Variants in LANCL2 observed in about 807,000 individuals in gnomAD.
LANCL2 encodes the protein LanC like glutathione S-transferase 2, also known as lanC-like protein 2.
A neutral mutation model predicts 56.9 loss-of-function variants in LANCL2; 33 were observed. The observed-to-expected ratio is 0.58, with a 90% CI of 0.44 to 0.78. The LOEUF is 0.78. Among genes scored for constraint, LANCL2 ranks in the 30% least tolerant of loss-of-function variants. The pLI is 0.00. For missense variants in LANCL2, 562 were observed against 580.2 expected (o/e 0.97, Z 0.32); for synonymous variants, 233 against 228.2 (o/e 1.02, Z -0.19).
In LANCL2 at chr7:55,433,594, G is replaced by A. The variant is rs1790758020; in HGVS notation, c.*2274G>A. ...TTCTTAGATTTGTATTCACAATTGT[G>A]TTCTCTAAAATGTGTCTAAATTTTA... is the stretch of plus-strand genomic sequence containing the variant. On this transcript the variant is annotated 3_prime_UTR_variant, in exon 9 of 9. Transcript: ENST00000254770. 6.6e-6 allele frequency: 1 copy of A among 152,182 alleles called. No homozygotes were observed. The highest frequency in any genetic ancestry group is 6.5e-5 in the Admixed American group (1 of 15,272). The allele number at this position is 152,182 out of a possible 1,614,324, so 9.4% of individuals were successfully genotyped here.
At chr7:55,369,940 C>A (rs117870217) in intron 1 of LANCL2, among the ~76,000 whole-genome samples, 8 of 152,318 alleles carry the variant, frequency 5.3e-5, no homozygotes, top group Non-Finnish European at 8.8e-5. Context: ...AGCTCTGTTG[C>A]TGTGTAATAA....
intron 2 of LANCL2, among the ~76,000 whole-genome samples, chr7:55,396,772 A>G (rs1019000211): frequency 6.6e-6 from 1 of 152,098 alleles, no homozygotes; most frequent in African/African-American, 2.4e-5. Flanking sequence ...AGTATATATA[A>G]CTGTAAGTTT....
In LANCL2 at chr7:55,417,083, C is replaced by T. The variant is rs1314569832; in HGVS notation, c.1008+4994C>T. Among the ~76,000 whole-genome samples the T allele has an allele frequency of 3.3e-5, 5 of 150,044 alleles. No individual in the cohort carries two copies. The East Asian group carries it at 9.9e-4, about 30-fold the overall frequency. On this transcript the variant is annotated intron_variant, in intron 6 of 8. Coordinates refer to ENST00000254770, the MANE Select transcript of LANCL2 (RefSeq NM_018697.4). The stretch of plus-strand genomic sequence containing the variant: ...CAAGCTCCGCCTCCCAGGTTCACAC[C>T]ATTGTCCTGCTTCAGCCTCCCGAGT...
At chr7:55,422,474 A>G (rs901072190) in intron 6 of LANCL2, among the ~76,000 whole-genome samples, 1 of 152,190 alleles carries the variant, frequency 6.6e-6, no homozygotes, top group Non-Finnish European at 1.5e-5. Context: ...TAACTGTTAC[A>G]TGCCTAGATG....
chr7:55,372,319 G>A (rs977749250), intron 1 of LANCL2, among the ~76,000 whole-genome samples: 1 of 152,166 alleles, frequency 6.6e-6, no homozygotes, highest in Non-Finnish European at 1.5e-5. Flanking sequence ...AGTTTTAATA[G>A]TCTTGTGTTT....
At position 55,433,247 on chromosome 7, in the gene LANCL2, C is replaced by G. The variant is rs1245265031; in HGVS notation, c.*1927C>G. On this transcript the variant is annotated 3_prime_UTR_variant, in exon 9 of 9. Coordinates refer to ENST00000254770, the MANE Select transcript of LANCL2 (RefSeq NM_018697.4). The stretch of plus-strand genomic sequence containing the variant: ...GTGTCTCCCCAGGTGAGTCCATCCA[C>G]ACACGTTTGAAAAACACTATTAGTC... 4 of 152,260 alleles carry G rather than the reference C, an allele frequency of 2.6e-5. No individual in the cohort carries two copies. Among genetic ancestry groups the G allele is most frequent in the Non-Finnish European group, 5.9e-5 (4 of 68,042 alleles). The allele number at this position is 152,260 out of a possible 1,614,324, so 9.4% of individuals were successfully genotyped here.
intron 2 of LANCL2, 64 bp from the exon 3 acceptor site, chr7:55,398,359 A>T: frequency 8.4e-7 from 1 of 1,188,266 alleles, no homozygotes; most frequent in Non-Finnish European, 1.3e-6. Context: ...AATTATAAAT[A>T]ATGTCCTGAA....
intron 1 of LANCL2, among the ~76,000 whole-genome samples, chr7:55,370,846 A>G (rs1789936525): frequency 6.6e-6 from 1 of 152,206 alleles, no homozygotes; most frequent in African/African-American, 2.4e-5. Flanking sequence ...GAAGACAGTG[A>G]TTGGAGTTGA....
At chr7:55,366,375 C>T in intron 1 of LANCL2, 146 bp downstream of exon 1, 4 of 652,974 alleles carry the variant, frequency 6.1e-6, no homozygotes, top group Non-Finnish European at 9.7e-6. Context: ...TCCGGGCCTT[C>T]CCGATGAGCC....
At position 55,431,849 on chromosome 7, in the gene LANCL2, C is replaced by G. The variant is rs977383546; in HGVS notation, c.*529C>G. On this transcript the variant is annotated 3_prime_UTR_variant, in exon 9 of 9. Transcript: ENST00000254770. ...CCAAGGACGGACAGGACCAGCAGTTCTGCAGGGGCGTGCTGGGGTGGTTTG... is the reference window on the plus strand; with the variant it reads ...CCAAGGACGGACAGGACCAGCAGTTGTGCAGGGGCGTGCTGGGGTGGTTTG... 1 of 152,496 alleles carries G rather than the reference C, an allele frequency of 6.6e-6. No homozygotes were observed. Among genetic ancestry groups the G allele is most frequent in the African/African-American group, 2.4e-5 (1 of 41,456 alleles). 9.4% of individuals were successfully genotyped at this position (152,496 alleles called of 1,614,324 possible).
chr7:55,427,262 A>G (rs1356135216), intron 7 of LANCL2, among the ~76,000 whole-genome samples: 3 of 152,236 alleles, frequency 2.0e-5, no homozygotes, highest in African/African-American at 7.2e-5. Flanking sequence ...AGGAAGCCTC[A>G]GCACTAATAT....
chr7:55,408,109 A>G (rs1219427042), intron 5 of LANCL2, among the ~76,000 whole-genome samples: 1 of 152,264 alleles, frequency 6.6e-6, no homozygotes, highest in Non-Finnish European at 1.5e-5. Context: ...GAAATAAGAG[A>G]AGCTGTTGCA....
At chr7:55,402,520 C>T (rs1790347971) in intron 5 of LANCL2, among the ~76,000 whole-genome samples, 1 of 145,518 alleles carries the variant, frequency 6.9e-6, no homozygotes. Flanking sequence ...GCGCCCCCCA[C>T]CTCCCGGATG....
At chr7:55,422,357 CCT>C (rs1790618032) in intron 6 of LANCL2, among the ~76,000 whole-genome samples, 1 of 152,096 alleles carries the variant, frequency 6.6e-6, no homozygotes, top group South Asian at 2.1e-4. Context: ...TCGTTGTCCA[CCT>C]CTGTTCTTTC....
intron 4 of LANCL2, among the ~76,000 whole-genome samples, chr7:55,400,764 C>T (rs1790312104): frequency 6.6e-6 from 1 of 152,204 alleles, no homozygotes; most frequent in South Asian, 2.1e-4. Flanking sequence ...CACAGCAGAC[C>T]TCATATCATT....
chr7:55,397,480 A>T (rs974972034), intron 2 of LANCL2, among the ~76,000 whole-genome samples: 1 of 139,480 alleles, frequency 7.2e-6, no homozygotes, highest in Admixed American at 7.4e-5. Flanking sequence ...AAAAAAAAAA[A>T]GCAAAATGAA....
At chr7:55,374,466 C>T (rs1031240879) in intron 1 of LANCL2, among the ~76,000 whole-genome samples, 5 of 152,162 alleles carry the variant, frequency 3.3e-5, no homozygotes, top group Admixed American at 3.3e-4. Flanking sequence ...AGGTAAGGAC[C>T]TGTTTATTGA....
At chr7:55,408,312 A>G (rs1401612575) in intron 5 of LANCL2, among the ~76,000 whole-genome samples, 4 of 152,138 alleles carry the variant, frequency 2.6e-5, no homozygotes, top group African/African-American at 9.7e-5. Context: ...CTAGTGGGAG[A>G]CCTAGTGAGG....
chr7:55,405,262 T>C (rs535186185), intron 5 of LANCL2, among the ~76,000 whole-genome samples: 33 of 152,286 alleles, frequency 2.2e-4, no homozygotes, highest in African/African-American at 7.9e-4. Context: ...AACAGATGTT[T>C]TCTTTCTCTG....
Sources: gnomAD v4.1 joint callset for allele counts (sites outside exome capture counted in the v4.1 genomes callset) on GRCh38, gnomAD v4.1.1 for gene constraint, MANE v1.5 for transcripts, NCBI Gene and HGNC (gene_info 2026-07-23, HGNC 2026-07-21) for gene names.